TCF7L1: variants seen among roughly 807,000 people sequenced by gnomAD.
TCF7L1 encodes the protein transcription factor 7 like 1, also known as transcription factor 7-like 1.
A neutral mutation model predicts 63.7 loss-of-function variants in TCF7L1; 18 were observed. The ratio of observed to expected loss-of-function variants is 0.28; its 90% CI spans 0.20 to 0.42. The LOEUF is 0.42. Ranked by LOEUF, TCF7L1 falls within the 10% of genes least tolerant of loss-of-function variation. The probability of loss-of-function intolerance (pLI) is 1.00; values close to 1 mark genes in which losing one functional copy is unlikely to be tolerated. For missense variants in TCF7L1, 654 were observed against 779.3 expected (o/e 0.84, Z 1.91); for synonymous variants, 355 against 340.9 (o/e 1.04, Z -0.46).
At chr2:85,169,200 C>G (rs1678492359) in intron 3 of TCF7L1, among the ~76,000 whole-genome samples, 1 of 152,114 alleles carries the variant, frequency 6.6e-6, no homozygotes, top group African/African-American at 2.4e-5. Context: ...AGCCTTCCTT[C>G]TCATCAGTCC....
intron 3 of TCF7L1, among the ~76,000 whole-genome samples, chr2:85,187,662 A>T (rs919621505): frequency 6.6e-6 from 1 of 152,096 alleles, no homozygotes; most frequent in Non-Finnish European, 1.5e-5. Context: ...TGTGTTCTCT[A>T]TTGTGTTCCA....
At chr2:85,200,217 G>T (rs953960175) in intron 3 of TCF7L1, among the ~76,000 whole-genome samples, 1 of 152,128 alleles carries the variant, frequency 6.6e-6, no homozygotes, top group Non-Finnish European at 1.5e-5. Context: ...GAGCATTCTT[G>T]TACAGGTTTT....
At chr2:85,285,202 C>T in intron 4 of TCF7L1, among the ~76,000 whole-genome samples, 1 of 151,760 alleles carries the variant, frequency 6.6e-6, no homozygotes, top group East Asian at 1.9e-4. Context: ...CACTGCACTC[C>T]AGCCTGGGTG....
intron 4 of TCF7L1, among the ~76,000 whole-genome samples, chr2:85,300,166 A>G (rs115777309): frequency 0.02 from 3,032 of 152,224 alleles, 86 homozygotes; most frequent in African/African-American, 0.068. Context: ...ACTTGTTTAC[A>G]TTTTTGGTGT....
chr2:85,308,457 C>CAT (rs1553409337), intron 11 of TCF7L1, among the ~76,000 whole-genome samples: 57 of 59,040 alleles, frequency 9.7e-4, no homozygotes, highest in Non-Finnish European at 1.3e-3. Context: ...CTTTCCCTCC[C>CAT]TCTCTTTCCC....
At chr2:85,139,395 AC>A (rs1429143003) in intron 3 of TCF7L1, among the ~76,000 whole-genome samples, 1 of 152,226 alleles carries the variant, frequency 6.6e-6, no homozygotes, top group African/African-American at 2.4e-5. Flanking sequence ...TGGCTAAGGG[AC>A]CATGGGAAAC....
chr2:85,203,832 C>T (rs1402316289), intron 3 of TCF7L1, among the ~76,000 whole-genome samples: 1 of 151,922 alleles, frequency 6.6e-6, no homozygotes. Flanking sequence ...GTTTAAAAAA[C>T]TTAAAAGATA....
chr2:85,235,355 C>T (rs1469800383), intron 3 of TCF7L1, among the ~76,000 whole-genome samples: 7 of 151,552 alleles, frequency 4.6e-5, no homozygotes. Flanking sequence ...CCCTGTCTCC[C>T]CGAAGCCATT....
chr2:85,239,668 C>T (rs752765522), intron 3 of TCF7L1, among the ~76,000 whole-genome samples: 1 of 152,110 alleles, frequency 6.6e-6, no homozygotes, highest in Admixed American at 6.5e-5. Context: ...GAAGATCGGG[C>T]GCAGTGGCTC....
intron 3 of TCF7L1, among the ~76,000 whole-genome samples, chr2:85,275,476 C>A (rs1230170143): frequency 2.0e-5 from 3 of 152,154 alleles, no homozygotes; most frequent in African/African-American, 7.2e-5. Flanking sequence ...AAACTGACAC[C>A]TAATTGACAC....
At chr2:85,199,825 C>T (rs1379136840) in intron 3 of TCF7L1, among the ~76,000 whole-genome samples, 1 of 152,088 alleles carries the variant, frequency 6.6e-6, no homozygotes, top group East Asian at 1.9e-4. Flanking sequence ...TTAAAGTATG[C>T]AGTTCAGTGG....
chr2:85,252,406 G>A (rs976655768), intron 3 of TCF7L1, among the ~76,000 whole-genome samples: 9 of 152,144 alleles, frequency 5.9e-5, no homozygotes, highest in East Asian at 3.8e-4. Flanking sequence ...ATAGCCACCC[G>A]TTCAGGCAGA....
intron 3 of TCF7L1, among the ~76,000 whole-genome samples, chr2:85,198,486 G>A (rs1430871464): frequency 6.6e-6 from 1 of 152,204 alleles, no homozygotes; most frequent in African/African-American, 2.4e-5. Context: ...TCCACAGGCA[G>A]GGGCTGGTTT....
intron 3 of TCF7L1, among the ~76,000 whole-genome samples, chr2:85,209,654 T>A (rs1387256295): frequency 6.6e-6 from 1 of 152,112 alleles, no homozygotes; most frequent in Non-Finnish European, 1.5e-5. Context: ...CTTGTCGAAA[T>A]GCAGACTCCT....
chr2:85,165,400 G>C (rs1678394011), intron 3 of TCF7L1, among the ~76,000 whole-genome samples: 1 of 152,332 alleles, frequency 6.6e-6, no homozygotes, highest in Non-Finnish European at 1.5e-5. Flanking sequence ...AGTCCTGTTA[G>C]ATCCTTCTTG....
chr2:85,256,243 C>T (rs1680714953), intron 3 of TCF7L1, among the ~76,000 whole-genome samples: 1 of 152,212 alleles, frequency 6.6e-6, no homozygotes, highest in African/African-American at 2.4e-5. Flanking sequence ...ATGGTGCGTC[C>T]GCGCGCCGAA....
intron 3 of TCF7L1, among the ~76,000 whole-genome samples, chr2:85,245,639 C>T (rs1237231642): frequency 1.3e-5 from 2 of 151,782 alleles, no homozygotes; most frequent in African/African-American, 4.8e-5. Flanking sequence ...GGTGAAACCC[C>T]GTCTCTACTA....
In TCF7L1 at chr2:85,133,950, G is replaced by T. The variant is rs557264302; in HGVS notation, c.249+17G>T. ...GACTCGGAGGTAAGGAAGCACCGCG[G>T]CCACCCCCGGGGGATCCCGGCCCTG... is the stretch of plus-strand genomic sequence containing the variant. On this transcript the variant is annotated intron_variant, in intron 1 of 11. Transcript: ENST00000282111. The surrounding 1 kb of genome is among the most constrained non-coding windows in gnomAD (Gnocchi z 4.4). 3.2e-6 allele frequency: 5 copies of T among 1,552,996 alleles called. No individual in the cohort carries two copies. The East Asian group carries it at 1.2e-4, about 37-fold the overall frequency.
At chr2:85,225,096 G>A (rs1336729023) in intron 3 of TCF7L1, among the ~76,000 whole-genome samples, 1 of 152,144 alleles carries the variant, frequency 6.6e-6, no homozygotes, top group African/African-American at 2.4e-5. Flanking sequence ...TTGTAGATGT[G>A]CAGTGTTATT....
Sources: gnomAD v4.1 joint callset for allele counts (sites outside exome capture counted in the v4.1 genomes callset) on GRCh38, gnomAD v4.1.1 for gene constraint, Gnocchi (gnomAD v3.1) non-coding constraint, MANE v1.5 for transcripts, NCBI Gene and HGNC (gene_info 2026-07-23, HGNC 2026-07-21) for gene names.